The following PAK3 variants were observed in gnomAD, a reference collection of about 807,000 sequenced individuals.
PAK3 encodes serine/threonine-protein kinase PAK 3.
PAK3 carries 4 observed loss-of-function variants against 41.0 expected under a neutral mutation model. The observed-to-expected ratio is 0.10, with a 90% CI of 0.05 to 0.22. The LOEUF is 0.22. Among genes scored for constraint, PAK3 ranks in the 10% least tolerant of loss-of-function variants. PAK3 has a pLI of 1.00. For synonymous variants in PAK3, 146 were observed against 139.6 expected (o/e 1.05, Z -0.32); for missense variants, 205 against 409.9 (o/e 0.50, Z 4.32).
At position 111,122,082 on chromosome X, in the gene PAK3, G is replaced by A. The variant is rs181921466; in HGVS notation, c.-27-995G>A. Among the ~76,000 whole-genome samples the A allele has an allele frequency of 2.8e-4, 30 of 107,256 alleles. No homozygotes were observed. The East Asian group carries it at 5.9e-3, about 21-fold the overall frequency. The allele number at this position is 107,256 out of a possible 115,157, so 93.1% of individuals were successfully genotyped here. On this transcript the variant is annotated intron_variant, in intron 4 of 17. Coordinates refer to ENST00000372007, the MANE Select transcript of PAK3 (RefSeq NM_002578.5). ...ATTCTGGCTAACACAGTGAAACCCC[G>A]TCTCTACTAAAAATACAAAAAAAAT...
chrX:111,158,319 T>C (rs1267107078), intron 8 of PAK3, among the ~76,000 whole-genome samples: 6 of 112,032 alleles, frequency 5.4e-5, no homozygotes, highest in Non-Finnish European at 1.1e-4. Context: ...TAGAAACAAG[T>C]ATTTCCTAAA....
chrX:111,217,065 G>A, intron 17 of PAK3: 2 of 738,684 alleles, frequency 2.7e-6, no homozygotes, highest in Non-Finnish European at 3.2e-6. Context: ...CCTTTTCACG[G>A]CTCCCAGGGA....
intron 1 of PAK3, among the ~76,000 whole-genome samples, chrX:111,080,301 A>G (rs745487256): frequency 1.8e-5 from 2 of 111,568 alleles, no homozygotes; most frequent in Middle Eastern, 4.6e-3. Context: ...CAGCCCCCCA[A>G]TCTACAGCAA....
chrX:111,066,523 G>A (rs2092702956), intron 1 of PAK3, among the ~76,000 whole-genome samples: 1 of 111,638 alleles, frequency 9.0e-6, no homozygotes, highest in Non-Finnish European at 1.9e-5. Flanking sequence ...GTGCAGATGA[G>A]AAAAATGTAT....
intron 1 of PAK3, among the ~76,000 whole-genome samples, chrX:110,956,296 C>A (rs1225669480): frequency 2.7e-5 from 3 of 111,124 alleles, no homozygotes; most frequent in Non-Finnish European, 5.7e-5. Flanking sequence ...ATAATTCCTG[C>A]AAAGTTCTCA....
chrX:110,997,942 C>A (rs2091771368), intron 1 of PAK3, among the ~76,000 whole-genome samples: 1 of 111,374 alleles, frequency 9.0e-6, no homozygotes, highest in South Asian at 3.8e-4. Flanking sequence ...CACCAGACAC[C>A]ACCAGCACCT....
At chrX:111,109,889 C>T (rs1425568756) in intron 4 of PAK3, among the ~76,000 whole-genome samples, 4 of 111,872 alleles carry the variant, frequency 3.6e-5, no homozygotes, top group South Asian at 7.5e-4. Context: ...TGAAACTTTC[C>T]GTGACTTAGG....
At chrX:111,112,327 G>A (rs1391395029) in intron 4 of PAK3, among the ~76,000 whole-genome samples, 2 of 109,771 alleles carry the variant, frequency 1.8e-5, no homozygotes, top group African/African-American at 6.6e-5. Context: ...AATTCAACTC[G>A]ACTGTACTTC....
chrX:111,016,407 A>G (rs1380585214), intron 1 of PAK3, among the ~76,000 whole-genome samples: 5 of 111,497 alleles, frequency 4.5e-5, no homozygotes, highest in Non-Finnish European at 1.9e-5. Context: ...GCTGTCTGAG[A>G]CAGGGAGAGG....
chrX:111,142,772 A>G (rs2093890030), intron 6 of PAK3, among the ~76,000 whole-genome samples: 1 of 110,768 alleles, frequency 9.0e-6, no homozygotes, highest in South Asian at 3.8e-4. Flanking sequence ...TGTATGTTCT[A>G]GTTGTTTTGG....
chrX:111,000,508 A>G (rs950381813), intron 1 of PAK3, among the ~76,000 whole-genome samples: 1 of 112,135 alleles, frequency 8.9e-6, no homozygotes, highest in African/African-American at 3.2e-5. Flanking sequence ...GAGGCTAATG[A>G]GGCATGGCAA....
At chrX:111,142,879 A>G (rs1265850600) in intron 6 of PAK3, among the ~76,000 whole-genome samples, 1 of 111,134 alleles carries the variant, frequency 9.0e-6, no homozygotes, top group Non-Finnish European at 1.9e-5. Flanking sequence ...CCATAGCTAT[A>G]GATCAAGCCT....
chrX:110,979,476 T>A lies in PAK3; in HGVS notation c.-28+34848T>A, dbSNP rs145262099. Among the ~76,000 whole-genome samples the A allele has an allele frequency of 7.6e-3, 829 of 109,421 alleles. 5 individuals are homozygous for A. Among genetic ancestry groups the A allele is most frequent in the Non-Finnish European group, 0.012 (653 of 52,532 alleles). The stretch of plus-strand genomic sequence containing the variant: ...CCTCGCCTGGCTAATTTTTTGTATT[T>A]TCAGTAGAGACGGGGTTTCACCGTG... On this transcript the variant is annotated intron_variant, in intron 1 of 14. Transcript: ENST00000425146.
At chrX:111,010,998 C>A (rs2092003788) in intron 1 of PAK3, among the ~76,000 whole-genome samples, 1 of 112,019 alleles carries the variant, frequency 8.9e-6, no homozygotes, top group Admixed American at 9.5e-5. Flanking sequence ...TGAAAAATCA[C>A]AGCCTACCTA....
intron 4 of PAK3, among the ~76,000 whole-genome samples, chrX:111,104,141 T>C (rs981619240): frequency 1.8e-5 from 2 of 111,602 alleles, no homozygotes; most frequent in African/African-American, 6.5e-5. Context: ...ATTTGTTTTT[T>C]TGTCTGCCTT....
intron 1 of PAK3, among the ~76,000 whole-genome samples, chrX:111,027,809 A>T (rs1045786399): frequency 1.8e-5 from 2 of 110,050 alleles, no homozygotes; most frequent in African/African-American, 6.6e-5. Flanking sequence ...CAGCAATCCC[A>T]CTACTAGGTA....
intron 1 of PAK3, among the ~76,000 whole-genome samples, chrX:110,954,424 A>C (rs183375375): frequency 9.8e-5 from 11 of 112,579 alleles, no homozygotes; most frequent in Admixed American, 5.6e-4. Flanking sequence ...ACTAAGGCTC[A>C]GAGCAGCTAA....
chrX:111,029,667 C>A (rs1338272935), intron 1 of PAK3, among the ~76,000 whole-genome samples: 1 of 111,793 alleles, frequency 8.9e-6, no homozygotes, highest in Non-Finnish European at 1.9e-5. Context: ...AGCTGCAGAC[C>A]TCAATCTACA....
At chrX:110,947,528 C>CCA (rs1368421451) in intron 1 of PAK3, among the ~76,000 whole-genome samples, 7 of 110,648 alleles carry the variant, frequency 6.3e-5, no homozygotes, top group Middle Eastern at 4.7e-3. Flanking sequence ...CTCTCCCCAT[C>CCA]CACACACACA....
Sources: allele counts gnomAD v4.1 joint callset (sites outside exome capture counted in the v4.1 genomes callset), GRCh38; gene constraint gnomAD v4.1.1; transcripts MANE v1.5; gene names NCBI Gene and HGNC (gene_info 2026-07-23, HGNC 2026-07-21).